The following ITGBL1 variants were observed in gnomAD, a reference collection of about 807,000 sequenced individuals.
ITGBL1 encodes the protein integrin beta-like protein 1.
A neutral mutation model predicts 68.5 loss-of-function variants in ITGBL1; 51 were observed. The observed-to-expected ratio is 0.74, with a 90% CI of 0.59 to 0.94. The LOEUF (loss-of-function observed/expected upper bound fraction) is 0.94, where lower values mean the gene tolerates loss of function less well. Ranked by LOEUF, ITGBL1 falls within the 40% of genes least tolerant of loss-of-function variation. The probability of loss-of-function intolerance (pLI) is 0.00; values close to 1 mark genes in which losing one functional copy is unlikely to be tolerated. For missense variants in ITGBL1, 649 were observed against 647.4 expected (o/e 1.00, Z -0.03); for synonymous variants, 209 against 227.3 (o/e 0.92, Z 0.72).
At chr13:101,717,309 T>C (rs2034762726), downstream of ITGBL1, 1 of 152,130 alleles carries the variant, frequency 6.6e-6, no homozygotes, top group South Asian at 2.1e-4. Context: ...TTTATAAAAA[T>C]TGTTATCTCT....
intron 9 of ITGBL1, among the ~76,000 whole-genome samples, chr13:101,708,202 C>A (rs1049712065): frequency 2.0e-5 from 3 of 152,132 alleles, no homozygotes; most frequent in Admixed American, 6.5e-5. Flanking sequence ...ATGCATATGG[C>A]ATCATCTAGA....
At chr13:101,587,598 C>T (rs527993885) in intron 6 of ITGBL1, among the ~76,000 whole-genome samples, 6 of 152,290 alleles carry the variant, frequency 3.9e-5, no homozygotes, top group South Asian at 2.1e-4. Context: ...TGGAAAAATA[C>T]GCTGCAATGT....
intron 7 of ITGBL1, among the ~76,000 whole-genome samples, chr13:101,637,259 A>G (rs1011919869): frequency 1.3e-5 from 2 of 152,060 alleles, no homozygotes; most frequent in East Asian, 1.9e-4. Context: ...TTGTGTATGT[A>G]TGTAACCATA....
intron 7 of ITGBL1, among the ~76,000 whole-genome samples, chr13:101,653,769 A>C (rs898347183): frequency 9.3e-5 from 14 of 151,200 alleles, no homozygotes; most frequent in Admixed American, 5.3e-4. Flanking sequence ...GCTCACTGCA[A>C]CCTCTGCCTC....
At chr13:101,711,902 T>C (rs2034484936) in intron 9 of ITGBL1, 1 of 152,324 alleles carries the variant, frequency 6.6e-6, no homozygotes, top group South Asian at 2.1e-4. Flanking sequence ...ATCAGCCAGC[T>C]GTTCTCTGGC....
intron 2 of ITGBL1, among the ~76,000 whole-genome samples, chr13:101,529,102 GAACAAATA>G (rs1177975709): frequency 5.3e-5 from 8 of 151,384 alleles, no homozygotes; most frequent in African/African-American, 1.9e-4. Flanking sequence ...AATATCAAAA[GAACAAATA>G]AACACATGGA....
chr13:101,462,894 A>G (rs1413386412), intron 2 of ITGBL1, among the ~76,000 whole-genome samples: 2 of 152,112 alleles, frequency 1.3e-5, no homozygotes, highest in Non-Finnish European at 2.9e-5. Context: ...TTTCCATATC[A>G]TTTCTGATAA....
intron 7 of ITGBL1, among the ~76,000 whole-genome samples, chr13:101,618,769 C>T (rs1255544256): frequency 6.6e-6 from 1 of 152,104 alleles, no homozygotes; most frequent in Non-Finnish European, 1.5e-5. Context: ...ACAGGAGGAA[C>T]ATGGATTTTA....
chr13:101,673,027 C>A (rs566199319), intron 7 of ITGBL1, among the ~76,000 whole-genome samples: 3 of 152,170 alleles, frequency 2.0e-5, no homozygotes, highest in Admixed American at 6.5e-5. Context: ...TTGAGCCACA[C>A]GGCAAGTTCA....
At chr13:101,689,412 T>C (rs1753097087) in intron 7 of ITGBL1, among the ~76,000 whole-genome samples, 1 of 151,840 alleles carries the variant, frequency 6.6e-6, no homozygotes, top group African/African-American at 2.4e-5. Context: ...TTTGTGGTAG[T>C]GGCTAAATAG....
At chr13:101,578,548 A>C (rs1176766156) in intron 4 of ITGBL1, among the ~76,000 whole-genome samples, 1 of 152,224 alleles carries the variant, frequency 6.6e-6, no homozygotes, top group Non-Finnish European at 1.5e-5. Context: ...GCGATAATTC[A>C]CTACAGATGG....
Position 101,706,874 on chromosome 13 carries a change from A to C in ITGBL1, c.1251A>C (p.Ser417=), listed in dbSNP as rs1442724588. 1 of 1,614,172 alleles carries C rather than the reference A, an allele frequency of 6.2e-7. No individual in the cohort carries two copies. The highest frequency in any genetic ancestry group is 1.7e-5 in the Admixed American group (1 of 60,024). ...TEEQSKNLCE[S]ADGILCSGKG... ...AACAAAGCAAGAATCTGTGTGAATC[A>C]GCAGATGGCATATTGTGCTCGGGGA... Residue 417 remains serine (S), a synonymous_variant, in exon 9 of 11, where the codon TCA becomes TCC. Coordinates refer to ENST00000376180, the MANE Select transcript of ITGBL1 (RefSeq NM_004791.3).
intron 7 of ITGBL1, among the ~76,000 whole-genome samples, chr13:101,687,473 T>A (rs1197121853): frequency 3.3e-5 from 5 of 151,954 alleles, no homozygotes; most frequent in Non-Finnish European, 7.4e-5. Flanking sequence ...GGCTTTTTGC[T>A]TATATCTTGA....
At chr13:101,512,509 C>G (rs2049131906) in intron 2 of ITGBL1, among the ~76,000 whole-genome samples, 1 of 151,944 alleles carries the variant, frequency 6.6e-6, no homozygotes, top group Admixed American at 6.6e-5. Flanking sequence ...GTTAGGTAAC[C>G]TTGAGTGGAC....
intron 7 of ITGBL1, among the ~76,000 whole-genome samples, chr13:101,659,039 A>ATTTTTTTTTTTTTTTTTTTTTTTTTTTT (rs55935871): frequency 9.6e-6 from 1 of 103,848 alleles, no homozygotes; most frequent in East Asian, 3.3e-4. Flanking sequence ...TGGTGATTGA[A>ATTTTTTTTTTTTTTTTTTTTTTTTTTTT]TTTTTTTTTT....
At chr13:101,459,844 C>T (rs9585699) in intron 2 of ITGBL1, among the ~76,000 whole-genome samples, 3,756 of 152,144 alleles carry the variant, frequency 0.025, 161 homozygotes, top group African/African-American at 0.084. Context: ...AATTAGAATA[C>T]ATTGAAACAT....
intron 7 of ITGBL1, among the ~76,000 whole-genome samples, chr13:101,683,896 A>G (rs140331576): frequency 1.2e-4 from 18 of 152,068 alleles, no homozygotes; most frequent in African/African-American, 4.3e-4. Flanking sequence ...TCTCCTGCCC[A>G]TGTCTTTAAT....
At chr13:101,568,826 A>G (rs1347132852) in intron 3 of ITGBL1, among the ~76,000 whole-genome samples, 5 of 152,092 alleles carry the variant, frequency 3.3e-5, no homozygotes, top group African/African-American at 1.2e-4. Flanking sequence ...GAGCTCAGTT[A>G]AAGGTGTTTT....
intron 4 of ITGBL1, among the ~76,000 whole-genome samples, chr13:101,578,870 G>C (rs2050406870): frequency 6.6e-6 from 1 of 152,084 alleles, no homozygotes; most frequent in Non-Finnish European, 1.5e-5. Flanking sequence ...TGTCTATCTA[G>C]GTAAATATGC....
Sources: allele counts gnomAD v4.1 joint callset (sites outside exome capture counted in the v4.1 genomes callset), GRCh38; gene constraint gnomAD v4.1.1; transcripts MANE v1.5; gene names NCBI Gene and HGNC (gene_info 2026-07-23, HGNC 2026-07-21).